The following NEK5 variants were observed in gnomAD, a reference collection of about 807,000 sequenced individuals.
NEK5 encodes the protein NIMA related kinase 5.
NEK5 carries 88 observed loss-of-function variants against 109.2 expected under a neutral mutation model. That is an observed-to-expected ratio of 0.81 (90% CI 0.68 to 0.96). NEK5 has a LOEUF of 0.96. NEK5 is among the 40% of genes least tolerant of loss of function. The pLI is 0.00. For synonymous variants in NEK5, 283 were observed against 299.9 expected (o/e 0.94, Z 0.58); for missense variants, 834 against 920.7 (o/e 0.91, Z 1.22).
In NEK5 at chr13:52,083,247, T is replaced by G. The variant is rs75573681; in HGVS notation, c.1572+13A>C. 19 of 1,562,986 alleles carry G rather than the reference T, an allele frequency of 1.2e-5. No individual in the cohort carries two copies. The highest frequency in any genetic ancestry group is 1.7e-5 in the Non-Finnish European group (19 of 1,133,666). ...CACTGCAAGCACACACATCTGATCA[T>G]AGCCATCATTACCTGCACAGGTGCT... On this transcript the variant is annotated intron_variant, in intron 17 of 23. Coordinates refer to ENST00000684899, the MANE Select transcript of NEK5 (RefSeq NM_001365552.1).
At chr13:52,112,706 T>C (rs914903443) in intron 4 of NEK5, among the ~76,000 whole-genome samples, 57 of 152,174 alleles carry the variant, frequency 3.7e-4, no homozygotes, top group African/African-American at 1.3e-3. Context: ...GCTGTAAAAA[T>C]AGCAGCTGTG....
At chr13:52,108,807 T>C (rs978340684) in intron 7 of NEK5, among the ~76,000 whole-genome samples, 6 of 152,230 alleles carry the variant, frequency 3.9e-5, no homozygotes, top group African/African-American at 1.4e-4. Context: ...AAAATTCTGA[T>C]ATATTTCCTT....
At position 52,093,128 on chromosome 13, in the gene NEK5, G is replaced by T; in HGVS notation, c.1134C>A (p.His378Gln). The T allele has an allele frequency of 6.2e-7, 1 of 1,613,522 alleles. No individual in the cohort carries two copies. The highest frequency in any genetic ancestry group is 8.5e-7 in the Non-Finnish European group (1 of 1,179,482). Residue 378 changes from histidine to glutamine, a missense_variant, in exon 13 of 24, where the codon CAC becomes CAA. Around this residue, in one of 2 missense-constraint regions of NEK5, gnomAD observed 777 missense variants for 824.7 expected, o/e 0.94. Transcript: ENST00000684899. ...LRRRAHKPSY[H>Q]PIPQENTGVE... ...CTCCAGTATTTTCTTGAGGAATAGGGTGATAACTTGGTTTGTGGGCTCTCC... is the reference window on the plus strand; with the variant it reads ...CTCCAGTATTTTCTTGAGGAATAGGTTGATAACTTGGTTTGTGGGCTCTCC...
At position 52,077,671 on chromosome 13, in the gene NEK5, C is replaced by A. The variant is rs117010769; in HGVS notation, c.1573-1528G>T. On this transcript the variant is annotated intron_variant, in intron 17 of 23. Coordinates refer to ENST00000684899, the MANE Select transcript of NEK5 (RefSeq NM_001365552.1). ...AACACAGTGCGACCATTCTGGAACA[C>A]CATTTGGTAGTTCTCTGAAAGTTAA... is the stretch of plus-strand genomic sequence containing the variant. Among the ~76,000 whole-genome samples the A allele has an allele frequency of 2.6e-3, 389 of 152,260 alleles. 3 individuals are homozygous for A. Among genetic ancestry groups the A allele is most frequent in the Non-Finnish European group, 4.1e-3 (279 of 68,018 alleles).
chr13:52,054,095 A>T (rs546106244), intron 22 of NEK5, among the ~76,000 whole-genome samples: 351 of 152,338 alleles, frequency 2.3e-3, no homozygotes, highest in Non-Finnish European at 3.8e-3. Context: ...TTTTTGGTAA[A>T]TAAGACTAGT....
At chr13:52,063,698 T>A (rs1954635659) in intron 21 of NEK5, among the ~76,000 whole-genome samples, 1 of 147,070 alleles carries the variant, frequency 6.8e-6, no homozygotes, top group Non-Finnish European at 1.5e-5. Flanking sequence ...CCGTCTGGGA[T>A]GTGAGAAGCG....
At chr13:52,060,410 A>G (rs1954601976) in intron 22 of NEK5, among the ~76,000 whole-genome samples, 1 of 152,042 alleles carries the variant, frequency 6.6e-6, no homozygotes, top group Non-Finnish European at 1.5e-5. Flanking sequence ...GCTGGAGTGC[A>G]ATGGCGCCAT....
intron 20 of NEK5, among the ~76,000 whole-genome samples, chr13:52,067,239 TA>T (rs912166005): frequency 2.9e-4 from 44 of 149,310 alleles, no homozygotes; most frequent in African/African-American, 8.3e-4. Flanking sequence ...CCTATACCAT[TA>T]AAAAAAAAAT....
intron 14 of NEK5, among the ~76,000 whole-genome samples, 154 bp downstream of exon 14, chr13:52,089,093 A>AAATAACAACAAC (rs1555312687): frequency 1.3e-5 from 2 of 150,918 alleles, no homozygotes; most frequent in Non-Finnish European, 2.9e-5. Flanking sequence ...CTGTCTCAGA[A>AAATAACAACAAC]AACAACAACA....
intron 14 of NEK5, among the ~76,000 whole-genome samples, chr13:52,088,493 T>C (rs1955203592): frequency 6.6e-6 from 1 of 151,458 alleles, no homozygotes; most frequent in African/African-American, 2.4e-5. Context: ...GATCTTATGA[T>C]CCGCCCACCT....
chr13:52,090,505 T>C (rs908900518), intron 13 of NEK5, among the ~76,000 whole-genome samples: 2 of 152,198 alleles, frequency 1.3e-5, no homozygotes, highest in South Asian at 2.1e-4. Context: ...TTCACAGGAA[T>C]TGATACGAGG....
At chr13:52,061,338 C>T (rs1429102836) in intron 22 of NEK5, among the ~76,000 whole-genome samples, 4 of 152,194 alleles carry the variant, frequency 2.6e-5, no homozygotes, top group Non-Finnish European at 5.9e-5. Flanking sequence ...GGCCTGGTTC[C>T]TAACAGGCCA....
chr13:52,089,218 T>C (rs777885635), intron 14 of NEK5, 29 bp downstream of exon 14: 1 of 1,365,010 alleles, frequency 7.3e-7, no homozygotes, highest in Non-Finnish European at 1.0e-6. Context: ...AAATTCCTAA[T>C]TGCTTCCCAT....
chr13:52,119,268 C>T, intron 4 of NEK5, 51 bp downstream of exon 4: 1 of 987,940 alleles, frequency 1.0e-6, no homozygotes, highest in South Asian at 1.8e-5. Context: ...TTACATATGT[C>T]AACATGCCTA....
chr13:52,053,038 C>T (rs573063624), intron 22 of NEK5, among the ~76,000 whole-genome samples: 5 of 152,242 alleles, frequency 3.3e-5, no homozygotes, highest in South Asian at 2.1e-4. Context: ...CAGTGGCTCA[C>T]ACCTGTAATC....
intron 12 of NEK5, among the ~76,000 whole-genome samples, chr13:52,096,490 G>T (rs1376887232): frequency 6.6e-6 from 1 of 152,192 alleles, no homozygotes; most frequent in East Asian, 1.9e-4. Context: ...GGACACTTTT[G>T]TTATGAATTA....
intron 4 of NEK5, among the ~76,000 whole-genome samples, chr13:52,114,268 T>C (rs561641838): frequency 6.6e-6 from 1 of 152,178 alleles, no homozygotes; most frequent in Non-Finnish European, 1.5e-5. Context: ...ACACAAAACA[T>C]AAGCGCCAAA....
At chr13:52,066,663 G>T (rs1954695598) in intron 20 of NEK5, among the ~76,000 whole-genome samples, 2 of 151,874 alleles carry the variant, frequency 1.3e-5, no homozygotes, top group South Asian at 4.2e-4. Context: ...AATTAGCTGG[G>T]CGTGGTAGCG....
At position 52,050,189 on chromosome 13, in the gene NEK5, C is replaced by T; in HGVS notation, c.2143G>A (p.Glu715Lys). Residue 715 changes from glutamate to lysine, a missense_variant, in exon 23 of 24, where the codon GAA (glutamate) becomes AAA (lysine). Coordinates refer to ENST00000684899, the MANE Select transcript of NEK5 (RefSeq NM_001365552.1). ...ATTTCTACCTTCCCTTCATCTTCTT[C>T]TTTGGGTAGCCATTGTTTTAATGTT... ...MGTLKQWLPKEEDEGKVEMVS... is the reference protein window; with the variant it reads ...MGTLKQWLPKKEDEGKVEMVS... The T allele has an allele frequency of 1.0e-6, 1 of 985,614 alleles. No homozygotes were observed. Among genetic ancestry groups the T allele is most frequent in the South Asian group, 4.7e-5 (1 of 21,286 alleles). 61.1% of individuals were successfully genotyped at this position (985,614 alleles called of 1,614,324 possible).
Sources: gnomAD v4.1 joint callset for allele counts (sites outside exome capture counted in the v4.1 genomes callset) on GRCh38, gnomAD v4.1.1 for gene constraint, gnomAD v4.1.1 regional missense constraint, MANE v1.5 for transcripts, NCBI Gene and HGNC (gene_info 2026-07-23, HGNC 2026-07-21) for gene names.